Variants in IRF5 observed in about 807,000 individuals in gnomAD.
IRF5 encodes the protein interferon regulatory factor 5.
A neutral mutation model predicts 55.1 loss-of-function variants in IRF5; 24 were observed. That is an observed-to-expected ratio of 0.44 (90% CI 0.32 to 0.61). The LOEUF (loss-of-function observed/expected upper bound fraction) is 0.61, where lower values mean the gene tolerates loss of function less well. Ranked by LOEUF, IRF5 falls within the 20% of genes least tolerant of loss-of-function variation. The pLI is 0.07. For synonymous variants in IRF5, 258 were observed against 260.2 expected, an observed-to-expected ratio of 0.99 and a Z score of 0.08; for missense variants, 499 against 658.5, an observed-to-expected ratio of 0.76 and a Z score of 2.65.
At chr7:128,945,640 G>A (rs1796257405) in intron 2 of IRF5, among the ~76,000 whole-genome samples, 1 of 152,230 alleles carries the variant, frequency 6.6e-6, no homozygotes, top group Admixed American at 6.5e-5. Flanking sequence ...ATAGCCCCTA[G>A]ATTTCATGTA....
In IRF5 at chr7:128,943,023, A is replaced by ATTTTTTTTTTTTTTTTTTTTTTTTTTTT. The variant is rs34539872; in HGVS notation, c.195+748_195+775dup. On this transcript the variant is annotated intron_variant, in intron 2 of 8. Coordinates refer to ENST00000357234, the MANE Select transcript of IRF5 (RefSeq NM_001098629.3). The stretch of plus-strand genomic sequence containing the variant: ...GCCTCACACTGTTGACCAGATTCCA[A>ATTTTTTTTTTTTTTTTTTTTTTTTTTTT]TTTTTTTTTTTTTTTTTTTTTTTTT... 2 of 86,902 alleles carry ATTTTTTTTTTTTTTTTTTTTTTTTTTTT rather than the reference A, an allele frequency of 2.3e-5. 1 individual carries two copies. The highest frequency in any genetic ancestry group is 1.1e-4 in the African/African-American group (2 of 18,320). 5.4% of individuals were successfully genotyped at this position (86,902 alleles called of 1,614,324 possible).
At position 128,949,008 on chromosome 7, in the gene IRF5, G is replaced by A. The variant is rs1796487448; in HGVS notation, c.*190G>A. The stretch of plus-strand genomic sequence containing the variant: ...TGCCTTCCCGGGCCTTTCTCTCCTG[G>A]GCTGTCTCTGGTCTGGTCAGCCTGG... On this transcript the variant is annotated 3_prime_UTR_variant, in exon 9 of 9. Transcript: ENST00000357234. 4.6e-6 allele frequency: 3 copies of A among 654,904 alleles called. No individual in the cohort carries two copies. The highest frequency in any genetic ancestry group is 7.7e-6 in the Non-Finnish European group (3 of 389,296). The allele number at this position is 654,904 out of a possible 1,614,324, so 40.6% of individuals were successfully genotyped here.
At position 128,946,020 on chromosome 7, in the gene IRF5, G is replaced by T. The variant is rs1480615573; in HGVS notation, c.371G>T (p.Gly124Val). ...AAGATCTACGAGGTCTGCTCCAATG[G>T]CCCTGCTCCCACAGGTATCAGGCCT... ...PYKIYEVCSN[G>V]PAPTDSQPPE... Residue 124 changes from glycine to valine, a missense_variant, in exon 3 of 9, where the codon GGC becomes GTC. Gly to Val is a moderately radical substitution (Grantham distance 109, BLOSUM62 -3). Around this residue, in one of 2 missense-constraint regions of IRF5, gnomAD observed 305 missense variants for 340.2 expected, o/e 0.90. Transcript: ENST00000357234. The surrounding 1 kb of genome is among the most constrained non-coding windows in gnomAD (Gnocchi z 4.2). The T allele has an allele frequency of 6.2e-7, 1 of 1,603,840 alleles. No individual in the cohort carries two copies. Among genetic ancestry groups the T allele is most frequent in the Admixed American group, 1.8e-5 (1 of 56,468 alleles).
chr7:128,944,975 A>G (rs1270734236), intron 2 of IRF5, among the ~76,000 whole-genome samples: 1 of 152,222 alleles, frequency 6.6e-6, no homozygotes, highest in Admixed American at 6.5e-5. Flanking sequence ...CCTAGAAATC[A>G]AATAGCTGGG....
intron 2 of IRF5, among the ~76,000 whole-genome samples, chr7:128,944,460 A>G (rs891273928): frequency 6.6e-6 from 1 of 152,156 alleles, no homozygotes; most frequent in Non-Finnish European, 1.5e-5. Context: ...TACCTTTCCA[A>G]AATTCTTTTG....
intron 1 of IRF5, chr7:128,940,404 G>T (rs1274440015): frequency 6.6e-6 from 1 of 152,302 alleles, no homozygotes; most frequent in African/African-American, 2.4e-5. Context: ...TGCCGCTGGT[G>T]ACTGGCACCC....
chr7:128,948,501 T>A lies in IRF5; in HGVS notation c.1300-72T>A, dbSNP rs1400994236. ...CGGTCTATTACTCACCCCTGATGGC[T>A]GTCCTCATGCACAGCTGGATCTGGC... On this transcript the variant is annotated intron_variant, in intron 8 of 8. Transcript: ENST00000357234. This position sits in a 1 kb window ranked among gnomAD's most constrained non-coding sequence, Gnocchi z 4.6. 1 of 1,588,670 alleles carries A rather than the reference T, an allele frequency of 6.3e-7. No homozygotes were observed.
rs770473838 is a variant in IRF5 at position 128,947,129 on chromosome 7, G to C, written c.481+73G>C. 6.2e-7 allele frequency: 1 copy of C among 1,613,114 alleles called. No individual in the cohort carries two copies. Among genetic ancestry groups the C allele is most frequent in the East Asian group, 2.2e-5 (1 of 44,868 alleles). On this transcript the variant is annotated intron_variant, in intron 5 of 8. Transcript: ENST00000357234. This position sits in a 1 kb window ranked among gnomAD's most constrained non-coding sequence, Gnocchi z 6.5. ...TAGGTACCATAGGTACCTGGAAGGGGGCTGATGGGAGGCTAGGGTGGCCCA... is the reference window on the plus strand; with the variant it reads ...TAGGTACCATAGGTACCTGGAAGGGCGCTGATGGGAGGCTAGGGTGGCCCA...
intron 2 of IRF5, among the ~76,000 whole-genome samples, chr7:128,944,945 TATG>T (rs1384111876): frequency 1.3e-5 from 2 of 152,232 alleles, no homozygotes; most frequent in Non-Finnish European, 2.9e-5. Context: ...TGAATGCTTC[TATG>T]ATATTTAGGA....
chr7:128,947,663 C>T lies in IRF5; in HGVS notation c.788-66C>T. 6.6e-7 allele frequency: 1 copy of T among 1,519,864 alleles called. No homozygotes were observed. Among genetic ancestry groups the T allele is most frequent in the Non-Finnish European group, 8.8e-7 (1 of 1,138,440 alleles). 94.1% of individuals were successfully genotyped at this position (1,519,864 alleles called of 1,614,324 possible). ...GAGGGCGGATGGGGCTGGGCCTGGC[C>T]ACTGGGCTGCAGAATGGGGAGGCGT... is the stretch of plus-strand genomic sequence containing the variant. On this transcript the variant is annotated intron_variant, in intron 6 of 8. Transcript: ENST00000357234. This position sits in a 1 kb window ranked among gnomAD's most constrained non-coding sequence, Gnocchi z 6.5.
chr7:128,947,904 C>T lies in IRF5; in HGVS notation c.963C>T (p.Ile321=), dbSNP rs199822178. 3.2e-5 allele frequency: 51 copies of T among 1,614,096 alleles called. 1 individual carries two copies. The African/African-American group carries it at 5.2e-4, about 16-fold the overall frequency. Reference sequence around the variant, plus strand: ...TGCGCTTCCCCAGCCCTGAGGACATCCCCAGTGACAAGCAGCGCTTCTACA... The same window carrying T: ...TGCGCTTCCCCAGCCCTGAGGACATTCCCAGTGACAAGCAGCGCTTCTACA... ...EQVRFPSPED[I]PSDKQRFYTN... The change falls in exon 7 of 9, where the codon ATC becomes ATT. Residue 321 remains isoleucine, a synonymous_variant. Coordinates refer to ENST00000357234, the MANE Select transcript of IRF5 (RefSeq NM_001098629.3). This position sits in a 1 kb window ranked among gnomAD's most constrained non-coding sequence, Gnocchi z 6.5.
At position 128,946,144 on chromosome 7, in the gene IRF5, G is replaced by T. The variant is rs1043884789; in HGVS notation, c.385+110G>T. ...CCAAGGGCCCCTCTAGCAGGCAGTG[G>T]TCCAGGAAACGATGCGGGGGCTCCC... On this transcript the variant is annotated intron_variant, in intron 3 of 8. Transcript: ENST00000357234. This position sits in a 1 kb window ranked among gnomAD's most constrained non-coding sequence, Gnocchi z 4.2. The T allele has an allele frequency of 1.8e-6, 2 of 1,104,092 alleles. No homozygotes were observed. Among genetic ancestry groups the T allele is most frequent in the African/African-American group, 3.2e-5 (2 of 62,874 alleles). 68.4% of individuals were successfully genotyped at this position (1,104,092 alleles called of 1,614,324 possible).
chr7:128,942,516 G>A (rs1207169271), intron 2 of IRF5, among the ~76,000 whole-genome samples: 1 of 151,158 alleles, frequency 6.6e-6, no homozygotes, highest in Non-Finnish European at 1.5e-5. Flanking sequence ...GCAGTGGCAC[G>A]ATCTCAGCTC....
rs149233628 is a variant in IRF5 at position 128,947,793 on chromosome 7, C to A, written c.852C>A (p.Asn284Lys). Residue 284 changes from asparagine (N) to lysine (K), a missense_variant, in exon 7 of 9, where the codon AAC becomes AAA. By Grantham distance (94) the Asn-to-Lys change is moderately conservative. Transcript: ENST00000357234. The surrounding 1 kb of genome is among the most constrained non-coding windows in gnomAD (Gnocchi z 6.5). The part of the protein sequence containing the change: ...GRPPRALTIS[N>K]PHGCRLFYSQ... ...CACCCCGGGCCCTCACCATCAGCAA[C>A]CCCCATGGCTGCCGGCTCTTCTACA... 20 of 1,613,500 alleles carry A rather than the reference C, an allele frequency of 1.2e-5. No individual in the cohort carries two copies.
rs10954213 is a variant in IRF5, at chr7:128,949,373, G to A, written c.*555G>A. The A allele has an allele frequency of 0.58, 88,152 of 152,430 alleles. 25,782 individuals carry two copies. The highest frequency in any genetic ancestry group is 0.62 in the South Asian group (2,975 of 4,828). The allele number at this position is 152,430 out of a possible 1,614,324, so 9.4% of individuals were successfully genotyped here. ...AATTTTTATGTATTTTTGGATTAAT[G>A]AATGTTAAAAACAGACTCAGCTGTT... On this transcript the variant is annotated 3_prime_UTR_variant, in exon 9 of 9. Transcript: ENST00000357234.
At position 128,948,767 on chromosome 7, in the gene IRF5, C is replaced by T. The variant is rs1259570714; in HGVS notation, c.1494C>T (p.Gly498=). The change falls in exon 9 of 9, where the codon GGC becomes GGT. Residue 498 remains glycine, a synonymous_variant. Coordinates refer to ENST00000357234, the MANE Select transcript of IRF5 (RefSeq NM_001098629.3). The surrounding 1 kb of genome is among the most constrained non-coding windows in gnomAD (Gnocchi z 4.6). ...QPVAQAPPGA[G]LGVGQGPWPM... is the part of the protein sequence containing the mutation. ...TGGCCCAGGCCCCTCCTGGAGCAGG[C>T]CTTGGTGTTGGCCAGGGGCCCTGGC... 23 of 1,611,090 alleles carry T rather than the reference C, an allele frequency of 1.4e-5. No homozygotes were observed. Among genetic ancestry groups the T allele is most frequent in the Non-Finnish European group, 1.8e-5 (21 of 1,180,024 alleles).
In IRF5 at chr7:128,946,154, C is replaced by T. The variant is rs192605969; in HGVS notation, c.385+120C>T. ...CTCTAGCAGGCAGTGGTCCAGGAAACGATGCGGGGGCTCCCGCTAGGTCAT... is the reference window on the plus strand; with the variant it reads ...CTCTAGCAGGCAGTGGTCCAGGAAATGATGCGGGGGCTCCCGCTAGGTCAT... On this transcript the variant is annotated intron_variant, in intron 3 of 8. Transcript: ENST00000357234. This position sits in a 1 kb window ranked among gnomAD's most constrained non-coding sequence, Gnocchi z 4.2. The T allele has an allele frequency of 1.5e-4, 149 of 971,184 alleles. 1 individual carries two copies. In the East Asian group the frequency reaches 2.8e-3, roughly 18 times the overall value. 60.2% of individuals were successfully genotyped at this position (971,184 alleles called of 1,614,324 possible).
rs1438263463 is a variant in IRF5 at position 128,942,156 on chromosome 7, G to A, written c.75G>A (p.Val25=). ...VRLKPWLVAQ[V]NSCQYPGLQW... is the part of the protein sequence containing the mutation. The stretch of plus-strand genomic sequence containing the variant: ...TGAAGCCCTGGCTGGTGGCCCAGGT[G>A]AACAGCTGCCAGTACCCAGGGCTTC... Residue 25 remains valine (V), a synonymous_variant, in exon 2 of 9, where the codon GTG becomes GTA. Transcript: ENST00000357234. 3 of 1,613,588 alleles carry A rather than the reference G, an allele frequency of 1.9e-6. No homozygotes were observed. The African/African-American group carries it at 4.0e-5, about 22-fold the overall frequency.
chr7:128,948,583 T>C lies in IRF5; in HGVS notation c.1310T>C (p.Val437Ala). The change falls in exon 9 of 9, where the codon GTA (valine) becomes GCA (alanine). Residue 437 changes from valine (V) to alanine (A), a missense_variant. Physicochemically the swap from Val to Ala is moderately conservative, Grantham distance 64 (BLOSUM62 0). Transcript: ENST00000357234. This position sits in a 1 kb window ranked among gnomAD's most constrained non-coding sequence, Gnocchi z 4.6. Reference sequence around the variant, plus strand: ...CTCTTTGCCTCCCAGGTGGTGCCTGTAGCAGCTCGACTGCTGCTGGAGATG... The same window carrying C: ...CTCTTTGCCTCCCAGGTGGTGCCTGCAGCAGCTCGACTGCTGCTGGAGATG... ...KKLITVQVVP[V>A]AARLLLEMFS... 1 of 1,613,918 alleles carries C rather than the reference T, an allele frequency of 6.2e-7. No individual in the cohort carries two copies. The highest frequency in any genetic ancestry group is 8.5e-7 in the Non-Finnish European group (1 of 1,180,038).
Sources: gnomAD v4.1 joint callset for allele counts (sites outside exome capture counted in the v4.1 genomes callset) on GRCh38, gnomAD v4.1.1 for gene constraint, gnomAD v4.1.1 regional missense constraint, Gnocchi (gnomAD v3.1) non-coding constraint, MANE v1.5 for transcripts, NCBI Gene and HGNC (gene_info 2026-07-23, HGNC 2026-07-21) for gene names.